MAG: variants seen among roughly 807,000 people sequenced by gnomAD.
MAG encodes the protein myelin associated glycoprotein, also known as myelin-associated glycoprotein.
MAG carries 30 observed loss-of-function variants against 60.7 expected under a neutral mutation model. That is an observed-to-expected ratio of 0.49 (90% confidence interval 0.37 to 0.67). MAG has a LOEUF of 0.67. Among genes scored for constraint, MAG ranks in the 30% least tolerant of loss-of-function variants. The probability of loss-of-function intolerance (pLI) is 0.00; values close to 1 mark genes in which losing one functional copy is unlikely to be tolerated. For missense variants in MAG, 795 were observed against 851.7 expected (o/e 0.93, Z 0.83); for synonymous variants, 384 against 376.8 (o/e 1.02, Z -0.22).
chr19:35,295,920 T>C lies in MAG; in HGVS notation c.354T>C (p.Arg118=). Residue 118 remains arginine, a synonymous_variant, in exon 4 of 11, where the codon CGT becomes CGC. Transcript: ENST00000392213. The surrounding 1 kb of genome is among the most constrained non-coding windows in gnomAD (Gnocchi z 5.8). ...SPELGGKYYF[R]GDLGGYNQYT... ...AGCTGGGCGGGAAGTACTACTTCCGTGGGGACCTGGGCGGCTACAACCAGT... is the reference window on the plus strand; with the variant it reads ...AGCTGGGCGGGAAGTACTACTTCCGCGGGGACCTGGGCGGCTACAACCAGT... 6.2e-7 allele frequency: 1 copy of C among 1,613,642 alleles called. No homozygotes were observed. Among genetic ancestry groups the C allele is most frequent in the Non-Finnish European group, 8.5e-7 (1 of 1,179,848 alleles).
intron 8 of MAG, 87 bp from the exon 9 acceptor site, chr19:35,310,460 C>T: frequency 1.7e-6 from 2 of 1,167,920 alleles, no homozygotes; most frequent in Non-Finnish European, 2.6e-6. Context: ...ACTACATTGA[C>T]TGTCATCCCA....
At chr19:35,305,882 G>A (rs551599287) in intron 7 of MAG, among the ~76,000 whole-genome samples, 2 of 152,224 alleles carry the variant, frequency 1.3e-5, no homozygotes, top group African/African-American at 4.8e-5. Context: ...TTGAGCCCGG[G>A]GGGTGGAGGT....
Position 35,309,964 on chromosome 19 carries a change from C to G in MAG, c.1322C>G (p.Ser441Cys), listed in dbSNP as rs2066513700. 6 of 1,614,056 alleles carry G rather than the reference C, an allele frequency of 3.7e-6. No individual in the cohort carries two copies. The highest frequency in any genetic ancestry group is 5.1e-6 in the Non-Finnish European group (6 of 1,179,946). ...GTGGTGAAGTCCAACCCGGAGCCGT[C>G]CGTGGCCTTTGAGCTGCCATCGCGC... is the stretch of plus-strand genomic sequence containing the variant. The part of the protein sequence containing the change: ...LCVVKSNPEP[S>C]VAFELPSRNV... The change falls in exon 8 of 11, where the codon TCC (serine) becomes TGC (cysteine). Residue 441 changes from serine (S) to cysteine (C), a missense_variant. Ser to Cys is a moderately radical substitution (Grantham distance 112). Transcript: ENST00000392213.
chr19:35,312,155 G>C, intron 10 of MAG, 138 bp downstream of exon 10: 1 of 1,247,296 alleles, frequency 8.0e-7, no homozygotes, highest in Non-Finnish European at 1.2e-6. Context: ...TCCAGGGCTG[G>C]GTTGGACCTG....
At position 35,313,386 on chromosome 19, in the gene MAG, C is replaced by T. The variant is rs73031735; in HGVS notation, c.1813C>T (p.Arg605Trp). The T allele has an allele frequency of 1.2e-4, 198 of 1,614,072 alleles. No individual in the cohort carries two copies. Among genetic ancestry groups the T allele is most frequent in the Non-Finnish European group, 1.6e-4 (185 of 1,179,976 alleles). ...LSYSHSDLGK[R>W]PTKDSYTLTE... is the part of the protein sequence containing the mutation. Reference sequence around the variant, plus strand: ...CTATTCTCACTCGGACCTGGGGAAACGGCCCACCAAGGACAGCTACACGCT... The same window carrying T: ...CTATTCTCACTCGGACCTGGGGAAATGGCCCACCAAGGACAGCTACACGCT... Residue 605 changes from arginine to tryptophan, a missense_variant, in exon 11 of 11, where the codon CGG becomes TGG. Transcript: ENST00000392213.
At position 35,310,540 on chromosome 19, in the gene MAG, T is replaced by C. The variant is rs1291154903; in HGVS notation, c.1520-7T>C. 3.7e-6 allele frequency: 6 copies of C among 1,613,978 alleles called. No individual in the cohort carries two copies. The highest frequency in any genetic ancestry group is 5.1e-6 in the Non-Finnish European group (6 of 1,179,904). ...CCTAAGGGCGCCTGGGTCTTTTCTGTCCTCAGATCGACTGATGTGGGCCAA... is the reference window on the plus strand; with the variant it reads ...CCTAAGGGCGCCTGGGTCTTTTCTGCCCTCAGATCGACTGATGTGGGCCAA... On this transcript the variant is annotated splice_region_variant and splice_polypyrimidine_tract_variant and intron_variant, in intron 8 of 10. Coordinates refer to ENST00000392213, the MANE Select transcript of MAG (RefSeq NM_002361.4).
rs1215011647 is a variant in MAG at position 35,294,229 on chromosome 19, A to G, written c.-79-6A>G. The G allele has an allele frequency of 9.2e-6, 4 of 435,342 alleles. No homozygotes were observed. Among genetic ancestry groups the G allele is most frequent in the Non-Finnish European group, 1.8e-5 (4 of 218,814 alleles). 27.0% of individuals were successfully genotyped at this position (435,342 alleles called of 1,614,324 possible). ...CTTGCACCTGAGTGACTCTTGTTGC[A>G]TGCAGGTTGTCTGGCGGCTTCAGGT... On this transcript the variant is annotated splice_region_variant and splice_polypyrimidine_tract_variant and intron_variant, in intron 1 of 10. Transcript: ENST00000392213.
intron 7 of MAG, among the ~76,000 whole-genome samples, chr19:35,307,043 C>T (rs920977736): frequency 2.6e-5 from 4 of 152,260 alleles, no homozygotes; most frequent in Non-Finnish European, 5.9e-5. Context: ...AGGGTGTCGG[C>T]GTTCCGCCGA....
At chr19:35,303,139 G>C (rs1046726179) in intron 7 of MAG, among the ~76,000 whole-genome samples, 2 of 152,158 alleles carry the variant, frequency 1.3e-5, no homozygotes, top group South Asian at 4.1e-4. Context: ...GGCCTGGCTT[G>C]TCTCAAACCC....
intron 1 of MAG, among the ~76,000 whole-genome samples, chr19:35,292,664 T>TGC (rs1555761831): frequency 1.3e-4 from 19 of 150,706 alleles, no homozygotes; most frequent in African/African-American, 3.2e-4. Flanking sequence ...TGTGTGTGTG[T>TGC]GCGTGTGCGT....
chr19:35,300,148 C>A lies in MAG; in HGVS notation c.714C>A (p.Tyr238Ter). The part of the protein sequence containing the change: ...FEGYASMDVK[Y>*]PPVIVEMNSS... ...ACCTCGCTGTGTCGCGGGCCTTAGA[C>A]CCCCCGGTGATTGTGGAGATGAACT... Residue 238 changes from tyrosine (Y) to a stop codon, truncating the protein, a stop_gained and splice_region_variant, in exon 6 of 11, where the codon TAC becomes TAA. Transcript: ENST00000392213. LOFTEE classifies it high-confidence loss of function. 6.5e-7 allele frequency: 1 copy of A among 1,528,746 alleles called. No individual in the cohort carries two copies. Among genetic ancestry groups the A allele is most frequent in the Non-Finnish European group, 8.8e-7 (1 of 1,134,764 alleles). The allele number at this position is 1,528,746 out of a possible 1,614,324, so 94.7% of individuals were successfully genotyped here.
intron 2 of MAG, among the ~76,000 whole-genome samples, chr19:35,294,509 C>G (rs145508230): frequency 2.0e-4 from 30 of 152,346 alleles, no homozygotes; most frequent in Non-Finnish European, 3.8e-4. Context: ...TGGACCTCAG[C>G]TATAAAATGA....
intron 6 of MAG, among the ~76,000 whole-genome samples, chr19:35,301,871 C>T (rs2066451150): frequency 6.6e-6 from 1 of 151,110 alleles, no homozygotes; most frequent in Non-Finnish European, 1.5e-5. Context: ...CGGACTCCTG[C>T]ATGCTTTTGA....
chr19:35,312,050 C>T, intron 10 of MAG, 33 bp downstream of exon 10: 1 of 1,590,352 alleles, frequency 6.3e-7, no homozygotes, highest in Non-Finnish European at 8.6e-7. Flanking sequence ...GCCTGGGAAC[C>T]TGGATGCCAG....
rs1482860502 is a variant in MAG at position 35,310,059 on chromosome 19, A to T, written c.1417A>T (p.Ile473Phe). The T allele has an allele frequency of 2.5e-6, 4 of 1,613,692 alleles. 1 individual carries two copies. The African/African-American group carries it at 4.0e-5, about 16-fold the overall frequency. ...GCGCAGCGGCCTCGTGCTCACCAGCATCCTCACGCTGCGGGGGCAGGCCCA... is the reference window on the plus strand; with the variant it reads ...GCGCAGCGGCCTCGTGCTCACCAGCTTCCTCACGCTGCGGGGGCAGGCCCA... ...SERSGLVLTS[I>F]LTLRGQAQAP... Residue 473 changes from isoleucine (I) to phenylalanine (F), a missense_variant, in exon 8 of 11, where the codon ATC (isoleucine) becomes TTC (phenylalanine). Ile to Phe is a conservative substitution (Grantham distance 21). Coordinates refer to ENST00000392213, the MANE Select transcript of MAG (RefSeq NM_002361.4).
At chr19:35,310,264 G>A in intron 8 of MAG, 103 bp downstream of exon 8, 1 of 1,388,894 alleles carries the variant, frequency 7.2e-7, no homozygotes, top group South Asian at 1.4e-5. Context: ...GGGCTATGCA[G>A]ATTGACAGAA....
At chr19:35,297,956 C>CAT (rs2066414511) in intron 4 of MAG, among the ~76,000 whole-genome samples, 1 of 144,504 alleles carries the variant, frequency 6.9e-6, no homozygotes, top group African/African-American at 2.5e-5. Flanking sequence ...ACACACCACA[C>CAT]CAAACACACA....
chr19:35,307,679 C>T (rs930885688), intron 7 of MAG, among the ~76,000 whole-genome samples: 3 of 152,028 alleles, frequency 2.0e-5, no homozygotes, highest in East Asian at 1.9e-4. Context: ...AGAGAGACTC[C>T]GTCTCAAAAA....
Position 35,302,616 on chromosome 19 carries a change from C to G in MAG, c.1139C>G (p.Pro380Arg), listed in dbSNP as rs369453547. Residue 380 changes from proline (P) to arginine (R), a missense_variant, in exon 7 of 11, where the codon CCG becomes CGG. Pro to Arg is a moderately radical substitution (Grantham distance 103). Coordinates refer to ENST00000392213, the MANE Select transcript of MAG (RefSeq NM_002361.4). ...GAGAGCGAGCTGCAGCTGGAGCTGC[C>G]GGCCGTGTCACCCGAGGATGATGGA... ...IYESELQLEL[P>R]AVSPEDDGEY... 1 of 1,614,050 alleles carries G rather than the reference C, an allele frequency of 6.2e-7. No individual in the cohort carries two copies. Among genetic ancestry groups the G allele is most frequent in the Non-Finnish European group, 8.5e-7 (1 of 1,180,036 alleles).
Sources: allele counts gnomAD v4.1 joint callset (sites outside exome capture counted in the v4.1 genomes callset), GRCh38; gene constraint gnomAD v4.1.1; non-coding constraint Gnocchi (gnomAD v3.1); transcripts MANE v1.5; gene names NCBI Gene and HGNC (gene_info 2026-07-23, HGNC 2026-07-21).